The following PRKG1 variants were observed in gnomAD, a reference collection of about 807,000 sequenced individuals.
The protein encoded by PRKG1 is protein kinase cGMP-dependent 1, also known as cGMP-dependent protein kinase 1.
A neutral mutation model predicts 88.1 loss-of-function variants in PRKG1; 35 were observed. The observed-to-expected ratio is 0.40, with a 90% CI of 0.30 to 0.53. The LOEUF (loss-of-function observed/expected upper bound fraction) is 0.53. PRKG1 is among the 20% of genes least tolerant of loss of function. The pLI is 0.59. For synonymous variants in PRKG1, 303 were observed against 292.5 expected (o/e 1.04, Z -0.37); for missense variants, 540 against 839.8 (o/e 0.64, Z 4.41).
chr10:51,426,697 TACAC>T lies in PRKG1; in HGVS notation c.479-41012_479-41009del, dbSNP rs139115798. Among the ~76,000 whole-genome samples, 1,105 of 151,258 alleles carry T rather than the reference TACAC, an allele frequency of 7.3e-3. 12 individuals carry two copies. The highest frequency in any genetic ancestry group is 0.034 in the Middle Eastern group (10 of 292). ...AGACAAAAATATATGTGTGTGTCTATACACACACACACACACATATACAGAAGTA... is the reference window on the plus strand; with the variant it reads ...AGACAAAAATATATGTGTGTGTCTATACACACACACACATATACAGAAGTA... On this transcript the variant is annotated intron_variant, in intron 2 of 17. Coordinates refer to ENST00000373980, the MANE Select transcript of PRKG1 (RefSeq NM_006258.4).
intron 3 of PRKG1, among the ~76,000 whole-genome samples, chr10:51,668,687 T>C (rs894249648): frequency 1.3e-5 from 2 of 152,190 alleles, no homozygotes; most frequent in African/African-American, 4.8e-5. Flanking sequence ...TATGAATCTT[T>C]ACAATTCTAT....
intron 2 of PRKG1, among the ~76,000 whole-genome samples, chr10:51,298,411 A>C (rs1564435368): frequency 6.6e-6 from 1 of 152,152 alleles, no homozygotes; most frequent in Non-Finnish European, 1.5e-5. Context: ...GATTACATGA[A>C]CCTGGTGGGA....
intron 8 of PRKG1, among the ~76,000 whole-genome samples, chr10:52,158,869 A>G (rs1838198548): frequency 6.6e-6 from 1 of 151,536 alleles, no homozygotes. Context: ...ATGAATAAAG[A>G]TACTTGTGTA....
intron 1 of PRKG1, among the ~76,000 whole-genome samples, chr10:51,151,263 G>A (rs570510051): frequency 7.4e-4 from 112 of 152,056 alleles, no homozygotes; most frequent in African/African-American, 2.6e-3. Context: ...GATCTCAGGA[G>A]TCAATATGAA....
chr10:51,650,470 C>T (rs530408917), intron 3 of PRKG1, among the ~76,000 whole-genome samples: 2 of 152,184 alleles, frequency 1.3e-5, no homozygotes, highest in Admixed American at 6.5e-5. Flanking sequence ...TAATTAGCAA[C>T]GCTAAAACCA....
At chr10:51,872,651 G>A (rs1040528394) in intron 4 of PRKG1, among the ~76,000 whole-genome samples, 1 of 151,946 alleles carries the variant, frequency 6.6e-6, no homozygotes, top group Non-Finnish European at 1.5e-5. Flanking sequence ...TGCTTACCAC[G>A]TGCTTACTGG....
chr10:51,782,812 T>C (rs1000164462), intron 3 of PRKG1, among the ~76,000 whole-genome samples: 1 of 152,168 alleles, frequency 6.6e-6, no homozygotes, highest in Non-Finnish European at 1.5e-5. Flanking sequence ...CTGCCATGAT[T>C]GTGGGCCTTC....
At chr10:51,684,736 G>T (rs551582261) in intron 3 of PRKG1, among the ~76,000 whole-genome samples, 1 of 152,020 alleles carries the variant, frequency 6.6e-6, no homozygotes, top group Non-Finnish European at 1.5e-5. Flanking sequence ...GCATGGTGGT[G>T]CATGCCTGTG....
chr10:52,071,782 G>C (rs956570554), intron 7 of PRKG1, among the ~76,000 whole-genome samples: 9 of 152,086 alleles, frequency 5.9e-5, no homozygotes, highest in African/African-American at 9.7e-5. Context: ...GCATCTCTAT[G>C]TACCTATTTT....
chr10:52,285,890 A>G (rs1039570349), intron 14 of PRKG1, among the ~76,000 whole-genome samples: 5 of 152,084 alleles, frequency 3.3e-5, no homozygotes, highest in African/African-American at 9.7e-5. Context: ...AGGCTTGGAA[A>G]ATATAATGAA....
At chr10:51,396,009 A>G (rs1183783825) in intron 2 of PRKG1, among the ~76,000 whole-genome samples, 1 of 152,224 alleles carries the variant, frequency 6.6e-6, no homozygotes, top group Non-Finnish European at 1.5e-5. Flanking sequence ...ATGGCATAAA[A>G]TGCTAGATTA....
chr10:52,040,576 T>A (rs1157635871), intron 5 of PRKG1, among the ~76,000 whole-genome samples: 1 of 152,128 alleles, frequency 6.6e-6, no homozygotes, highest in African/African-American at 2.4e-5. Context: ...TTACTCTTAG[T>A]CGTTATATTA....
chr10:51,203,543 C>A (rs750626946), intron 2 of PRKG1, among the ~76,000 whole-genome samples: 4 of 152,146 alleles, frequency 2.6e-5, no homozygotes, highest in Non-Finnish European at 1.5e-5. Flanking sequence ...GAGGGCACAG[C>A]TGGATGTGCT....
chr10:52,194,113 C>T (rs1839445828), intron 9 of PRKG1, among the ~76,000 whole-genome samples: 1 of 151,870 alleles, frequency 6.6e-6, no homozygotes, highest in Non-Finnish European at 1.5e-5. Flanking sequence ...AAAATTCAAA[C>T]AGTACAATAA....
chr10:51,572,612 C>T (rs1046985715), intron 3 of PRKG1, among the ~76,000 whole-genome samples: 4 of 151,862 alleles, frequency 2.6e-5, no homozygotes, highest in African/African-American at 9.7e-5. Context: ...CCTAAGAACA[C>T]ATTAGAAATT....
intron 9 of PRKG1, among the ~76,000 whole-genome samples, chr10:52,211,730 A>AATAATTGG (rs1376704665): frequency 1.3e-5 from 2 of 151,234 alleles, no homozygotes; most frequent in African/African-American, 4.9e-5. Flanking sequence ...AAAGTAATTC[A>AATAATTGG]ATAATTGGTT....
intron 3 of PRKG1, among the ~76,000 whole-genome samples, chr10:51,791,443 A>G (rs574622461): frequency 6.6e-6 from 1 of 152,218 alleles, no homozygotes; most frequent in Non-Finnish European, 1.5e-5. Context: ...AACCCATCAA[A>G]TACTTTAGGT....
At chr10:52,075,388 AG>A (rs1227525805) in intron 7 of PRKG1, among the ~76,000 whole-genome samples, 6 of 152,336 alleles carry the variant, frequency 3.9e-5, no homozygotes, top group African/African-American at 1.4e-4. Context: ...GAAATTGACA[AG>A]ATGATTTTAA....
intron 3 of PRKG1, among the ~76,000 whole-genome samples, chr10:51,577,161 T>C (rs1412754550): frequency 2.0e-5 from 3 of 152,162 alleles, no homozygotes; most frequent in South Asian, 2.1e-4. Flanking sequence ...CTGGAGGAAC[T>C]TATGGTGAGA....
Sources: gnomAD v4.1 joint callset for allele counts (sites outside exome capture counted in the v4.1 genomes callset) on GRCh38, gnomAD v4.1.1 for gene constraint, MANE v1.5 for transcripts, NCBI Gene and HGNC (gene_info 2026-07-23, HGNC 2026-07-21) for gene names.